The following PCDHGA4 variants were observed in gnomAD, a reference collection of about 807,000 sequenced individuals.
PCDHGA4 encodes protocadherin gamma subfamily A, 4.
PCDHGA4 carries 38 observed loss-of-function variants against 54.6 expected under a neutral mutation model. That is an observed-to-expected ratio of 0.70 (90% CI 0.54 to 0.91). PCDHGA4 has a LOEUF of 0.91. Among genes scored for constraint, PCDHGA4 ranks in the 40% least tolerant of loss-of-function variants. The pLI is 0.00. For missense variants in PCDHGA4, 1,298 were observed against 1,220.9 expected, an observed-to-expected ratio of 1.06 and a Z score of -0.94; for synonymous variants, 511 against 512.9, an observed-to-expected ratio of 1.00 and a Z score of 0.05.
intron 1 of PCDHGA4, chr5:141,366,021 AC>A: frequency 6.2e-7 from 1 of 1,614,092 alleles, no homozygotes; most frequent in Non-Finnish European, 8.5e-7. Flanking sequence ...GAGATCCTGT[AC>A]CCCGCCCTCC....
At position 141,433,358 on chromosome 5, in the gene PCDHGA4, C is replaced by CTATCTAT. The variant is rs2097585632; in HGVS notation, c.2515-61449_2515-61448insTATCTAT. ...ACAGGTGCAAGCCACCTACTGTCTG[C>CTATCTAT]CTATCTATCTATCTATCTATCTATC... On this transcript the variant is annotated intron_variant, in intron 1 of 3. Coordinates refer to ENST00000571252, the MANE Select transcript of PCDHGA4 (RefSeq NM_018917.4). 11 of 503,932 alleles carry CTATCTAT rather than the reference C, an allele frequency of 2.2e-5. No individual in the cohort carries two copies. The African/African-American group carries it at 2.3e-4, about 10-fold the overall frequency. The allele number at this position is 503,932 out of a possible 1,614,324, so 31.2% of individuals were successfully genotyped here.
rs1456227012 is a variant in PCDHGA4 at position 141,357,401 on chromosome 5, G to T, written c.2294G>T (p.Gly765Val). 1.2e-6 allele frequency: 2 copies of T among 1,614,250 alleles called. No homozygotes were observed. The highest frequency in any genetic ancestry group is 1.7e-6 in the Non-Finnish European group (2 of 1,180,036). Residue 765 changes from glycine to valine, a missense_variant, in exon 1 of 4, where the codon GGT becomes GTT. Physicochemically the swap from Gly to Val is moderately radical, Grantham distance 109. Coordinates refer to ENST00000571252, the MANE Select transcript of PCDHGA4 (RefSeq NM_018917.4). ...LLHAEGSRLA[G>V]VPASHFVGVD... ...CACGCTGAAGGCAGCAGGTTGGCAG[G>T]TGTGCCTGCCTCGCACTTTGTGGGC... is the stretch of plus-strand genomic sequence containing the variant.
Position 141,511,186 on chromosome 5 carries a change from G to A in PCDHGA4, c.*13G>A. 1 of 1,613,906 alleles carries A rather than the reference G, an allele frequency of 6.2e-7. No individual in the cohort carries two copies. The highest frequency in any genetic ancestry group is 8.5e-7 in the Non-Finnish European group (1 of 1,179,890). ...GGAGAAGAAGTAACATGGAGGCCAG[G>A]CCAAGAGCCACAGGGCGGCCTCTCC... On this transcript the variant is annotated 3_prime_UTR_variant, in exon 4 of 4. Transcript: ENST00000571252.
rs758266181 is a variant in PCDHGA4 at position 141,476,561 on chromosome 5, G to A, written c.2515-18246G>A. 1.9e-6 allele frequency: 3 copies of A among 1,614,100 alleles called. No homozygotes were observed. The highest frequency in any genetic ancestry group is 2.5e-6 in the Non-Finnish European group (3 of 1,180,050). Reference sequence around the variant, plus strand: ...GAAATTGGAGATTAGCGAGGCCGTGGCTCCGGGGACGCGCTTTCCGCTCGA... The same window carrying A: ...GAAATTGGAGATTAGCGAGGCCGTGACTCCGGGGACGCGCTTTCCGCTCGA... On this transcript the variant is annotated intron_variant, in intron 1 of 3. Coordinates refer to ENST00000571252, the MANE Select transcript of PCDHGA4 (RefSeq NM_018917.4). This position sits in a 1 kb window ranked among gnomAD's most constrained non-coding sequence, Gnocchi z 7.6.
chr5:141,489,893 G>A lies in PCDHGA4; in HGVS notation c.2515-4914G>A. ...CTGGTGCTTACTGCTGTGGATGGGG[G>A]GACCCCAGCCCGCTCAGGGACCACC... On this transcript the variant is annotated intron_variant, in intron 1 of 3. Transcript: ENST00000571252. This position sits in a 1 kb window ranked among gnomAD's most constrained non-coding sequence, Gnocchi z 4.5. 6.2e-7 allele frequency: 1 copy of A among 1,614,190 alleles called. No individual in the cohort carries two copies. Among genetic ancestry groups the A allele is most frequent in the South Asian group, 1.1e-5 (1 of 91,084 alleles).
chr5:141,476,421 C>G lies in PCDHGA4; in HGVS notation c.2515-18386C>G. 1 of 1,614,026 alleles carries G rather than the reference C, an allele frequency of 6.2e-7. No homozygotes were observed. Among genetic ancestry groups the G allele is most frequent in the South Asian group, 1.1e-5 (1 of 91,066 alleles). On this transcript the variant is annotated intron_variant, in intron 1 of 3. Transcript: ENST00000571252. The surrounding 1 kb of genome is among the most constrained non-coding windows in gnomAD (Gnocchi z 7.6). ...CGAGAGGAGCTGTGTGGGACACTGC[C>G]CTCTTGCACTGTAACTCTGGAGTTG...
intron 1 of PCDHGA4, among the ~76,000 whole-genome samples, chr5:141,461,917 G>A (rs527287831): frequency 6.6e-6 from 1 of 152,098 alleles, no homozygotes; most frequent in South Asian, 2.1e-4. Flanking sequence ...TCTGCCTCCT[G>A]GGTTCCAGCA....
Position 141,489,242 on chromosome 5 carries a change from T to C in PCDHGA4, c.2515-5565T>C. ...TCTCCACAAAGGGACTTCTGGGTCA[T>C]GGGGCCCAAGACACTCCCACAGCTC... On this transcript the variant is annotated intron_variant, in intron 1 of 3. Transcript: ENST00000571252. This position sits in a 1 kb window ranked among gnomAD's most constrained non-coding sequence, Gnocchi z 4.5. 6.5e-7 allele frequency: 1 copy of C among 1,534,502 alleles called. No individual in the cohort carries two copies. The highest frequency in any genetic ancestry group is 8.8e-7 in the Non-Finnish European group (1 of 1,141,994).
rs775705715 is a variant in PCDHGA4 at position 141,422,475 on chromosome 5, C to T, written c.2514+64854C>T. ...GCAGAGTGCTGGACAGGGAGTTGGT[C>T]CAGAGCTACAATATAACGTTGACAG... On this transcript the variant is annotated intron_variant, in intron 1 of 3. Coordinates refer to ENST00000571252, the MANE Select transcript of PCDHGA4 (RefSeq NM_018917.4). The T allele has an allele frequency of 7.4e-6, 12 of 1,613,672 alleles. No individual in the cohort carries two copies. The East Asian group carries it at 2.0e-4, about 27-fold the overall frequency.
At chr5:141,398,980 G>T in intron 1 of PCDHGA4, 1 of 1,613,860 alleles carries the variant, frequency 6.2e-7, no homozygotes, top group Non-Finnish European at 8.5e-7. Context: ...CTACAGAACC[G>T]GGCAAATCTT....
chr5:141,455,104 G>A (rs2098813087), intron 1 of PCDHGA4, among the ~76,000 whole-genome samples: 1 of 151,888 alleles, frequency 6.6e-6, no homozygotes, highest in East Asian at 1.9e-4. Flanking sequence ...GAGCCACTGC[G>A]CCCGGTGGGT....
At chr5:141,393,609 G>A (rs1428368601) in intron 1 of PCDHGA4, 2 of 1,613,940 alleles carry the variant, frequency 1.2e-6, no homozygotes, top group South Asian at 2.2e-5. Context: ...TACTGTAACA[G>A]CCAGCGACCC....
At position 141,485,939 on chromosome 5, in the gene PCDHGA4, C is replaced by A; in HGVS notation, c.2515-8868C>A. ...CAGGATTAGTGTGTTGGAGAGCGCA[C>A]CAGCGGGCATGGTGCTCATCCAGCT... On this transcript the variant is annotated intron_variant, in intron 1 of 3. Transcript: ENST00000571252. This position sits in a 1 kb window ranked among gnomAD's most constrained non-coding sequence, Gnocchi z 5.7. 1 of 1,614,140 alleles carries A rather than the reference C, an allele frequency of 6.2e-7. No homozygotes were observed. The highest frequency in any genetic ancestry group is 8.5e-7 in the Non-Finnish European group (1 of 1,180,030).
chr5:141,382,882 A>G, intron 1 of PCDHGA4: 1 of 1,528,134 alleles, frequency 6.5e-7, no homozygotes, highest in Non-Finnish European at 8.8e-7. Context: ...GCGCCTAAGC[A>G]AGAGAAGCAG....
rs1562065751 is a variant in PCDHGA4, at chr5:141,477,907, C to T, written c.2515-16900C>T. The T allele has an allele frequency of 1.9e-6, 3 of 1,614,164 alleles. No homozygotes were observed. The highest frequency in any genetic ancestry group is 2.2e-5 in the East Asian group (1 of 44,872). ...TAGTGTCACGGGTGGTAGGCTGGGA[C>T]GCGGATGCAGGGCACAATGCCTGGC... On this transcript the variant is annotated intron_variant, in intron 1 of 3. Transcript: ENST00000571252. This position sits in a 1 kb window ranked among gnomAD's most constrained non-coding sequence, Gnocchi z 4.9.
At chr5:141,408,953 CTT>C in intron 1 of PCDHGA4, 1 of 1,613,552 alleles carries the variant, frequency 6.2e-7, no homozygotes, top group Non-Finnish European at 8.5e-7. Context: ...TAGAATTAGT[CTT>C]AGTGAAAATC....
intron 1 of PCDHGA4, chr5:141,413,119 G>C: frequency 6.6e-7 from 1 of 1,522,222 alleles, no homozygotes; most frequent in Non-Finnish European, 8.8e-7. Flanking sequence ...AAAGGAACCG[G>C]TTGAAACACA....
rs562410567 is a variant in PCDHGA4 at position 141,413,096 on chromosome 5, G to A, written c.2514+55475G>A. On this transcript the variant is annotated intron_variant, in intron 1 of 3. Transcript: ENST00000571252. ...GCCCAGGCTACAGAGACACCCTGAA[G>A]CCACAGAAAGACAAAGGAACCGGTT... 25 of 1,445,574 alleles carry A rather than the reference G, an allele frequency of 1.7e-5. No homozygotes were observed. The African/African-American group carries it at 3.3e-4, about 19-fold the overall frequency. The allele number at this position is 1,445,574 out of a possible 1,614,324, so 89.5% of individuals were successfully genotyped here.
rs776004958 is a variant in PCDHGA4 at position 141,410,344 on chromosome 5, C to T, written c.2514+52723C>T. 6 of 1,614,006 alleles carry T rather than the reference C, an allele frequency of 3.7e-6. No individual in the cohort carries two copies. In the South Asian group the frequency reaches 6.6e-5, roughly 18 times the overall value. On this transcript the variant is annotated intron_variant, in intron 1 of 3. Transcript: ENST00000571252. ...CCGTGATTCTGGCCATTGCCTTGCG[C>T]CTGCGACGCTCTCTCAGCCCTGCTA...
Sources: allele counts gnomAD v4.1 joint callset (sites outside exome capture counted in the v4.1 genomes callset), GRCh38; gene constraint gnomAD v4.1.1; non-coding constraint Gnocchi (gnomAD v3.1); transcripts MANE v1.5; gene names NCBI Gene and HGNC (gene_info 2026-07-23, HGNC 2026-07-21).